The following SV2C variants were observed in gnomAD, a reference collection of about 807,000 sequenced individuals.
SV2C encodes the protein solute carrier family 22 member B3.
Under a neutral mutation model 79.7 loss-of-function variants are expected in SV2C, and 49 were observed. The ratio of observed to expected loss-of-function variants is 0.61; its 90% CI spans 0.49 to 0.78. The LOEUF is 0.78. SV2C is among the 30% of genes least tolerant of loss of function. The probability of loss-of-function intolerance (pLI) is 0.00; values close to 1 mark genes in which losing one functional copy is unlikely to be tolerated. For missense variants in SV2C, 833 were observed against 912.9 expected (o/e 0.91, Z 1.13); for synonymous variants, 334 against 333.2 (o/e 1.00, Z -0.03).
At chr5:75,998,347 T>TA in the SV2C span, among the ~76,000 whole-genome samples, 361 of 151,240 alleles carry the variant, frequency 2.4e-3, no homozygotes, top group African/African-American at 8.2e-3. Flanking sequence ...ATGATAATAA[T>TA]AAAAAAAAAG....
At chr5:76,269,978 A>C (rs978448714) in intron 4 of SV2C, among the ~76,000 whole-genome samples, 2 of 152,192 alleles carry the variant, frequency 1.3e-5, no homozygotes, top group Non-Finnish European at 2.9e-5. Context: ...GCCAAGATGA[A>C]TGACCCAAAT....
chr5:76,107,101 T>C (rs915749181), intron 1 of SV2C, among the ~76,000 whole-genome samples: 96 of 152,328 alleles, frequency 6.3e-4, no homozygotes, highest in Middle Eastern at 3.4e-3. Flanking sequence ...AATTAAAGAC[T>C]GCCAGGAATA....
intron 1 of SV2C, among the ~76,000 whole-genome samples, chr5:76,126,145 C>A (rs767473849): frequency 6.6e-6 from 1 of 152,114 alleles, no homozygotes; most frequent in Non-Finnish European, 1.5e-5. Context: ...ATAGGGAAGG[C>A]CATCACATGT....
intron 8 of SV2C, 23 bp downstream of exon 8, chr5:76,291,879 G>A (rs751110901): frequency 1.3e-6 from 2 of 1,561,512 alleles, no homozygotes; most frequent in African/African-American, 1.4e-5. Flanking sequence ...TAAATTCTTG[G>A]CAAGCAAAAT....
the SV2C span, among the ~76,000 whole-genome samples, chr5:75,919,860 T>C: frequency 6.6e-6 from 1 of 152,236 alleles, no homozygotes; most frequent in East Asian, 1.9e-4. Flanking sequence ...TAATTTACTC[T>C]CTGCCAAATT....
chr5:76,301,894 G>T (rs1748017548), intron 12 of SV2C, among the ~76,000 whole-genome samples: 1 of 118,712 alleles, frequency 8.4e-6, no homozygotes, highest in Admixed American at 1.0e-4. Context: ...GGGCAACAGA[G>T]TGAGACACCA....
At chr5:76,281,412 A>T (rs74377023) in intron 4 of SV2C, 1 of 277,042 alleles carries the variant, frequency 3.6e-6, no homozygotes, top group Non-Finnish European at 6.9e-6. Context: ...AAAAAAAAAA[A>T]GGCAGGGAGC....
intron 4 of SV2C, among the ~76,000 whole-genome samples, chr5:76,233,660 A>G (rs971032549): frequency 6.6e-6 from 1 of 151,320 alleles, no homozygotes; most frequent in Non-Finnish European, 1.5e-5. Flanking sequence ...GGGTTGTTGA[A>G]TTTTGTCAAA....
intron 12 of SV2C, among the ~76,000 whole-genome samples, chr5:76,346,420 G>A (rs934202146): frequency 1.1e-4 from 17 of 152,276 alleles, no homozygotes; most frequent in African/African-American, 4.1e-4. Context: ...GCACTTCAGT[G>A]GATATAGTCC....
the SV2C span, among the ~76,000 whole-genome samples, chr5:76,032,890 A>G: frequency 2.6e-5 from 4 of 152,152 alleles, no homozygotes; most frequent in African/African-American, 9.7e-5. Context: ...CTATTTCTTC[A>G]TATCCTCTCC....
At chr5:76,130,059 C>G (rs1440373047) in intron 1 of SV2C, among the ~76,000 whole-genome samples, 1 of 150,682 alleles carries the variant, frequency 6.6e-6, no homozygotes, top group African/African-American at 2.4e-5. Flanking sequence ...CCTCAGCCTC[C>G]CTTCTCACCA....
chr5:75,911,790 C>A, the SV2C span: 1 of 587,884 alleles, frequency 1.7e-6, no homozygotes, highest in South Asian at 1.4e-5. Context: ...AGCTTTAAGT[C>A]TCCACAGTAC....
the SV2C span, among the ~76,000 whole-genome samples, chr5:75,874,214 G>A: frequency 2.6e-5 from 4 of 152,150 alleles, no homozygotes; most frequent in Non-Finnish European, 4.4e-5. Flanking sequence ...CTATGATCAA[G>A]TAGGCTTCAT....
At chr5:75,866,966 T>C in the SV2C span, among the ~76,000 whole-genome samples, 1 of 152,062 alleles carries the variant, frequency 6.6e-6, no homozygotes, top group East Asian at 1.9e-4. Context: ...GCTGAGAAAA[T>C]GTGTTTTCAT....
chr5:76,298,766 GATATGAATTTTTCTGTGTGTTGGGC>G lies in SV2C; in HGVS notation c.1503-26_1503-2del, dbSNP rs1747866717. 6.2e-7 allele frequency: 1 copy of G among 1,609,688 alleles called. No homozygotes were observed. Among genetic ancestry groups the G allele is most frequent in the African/African-American group, 1.3e-5 (1 of 74,798 alleles). ...ACTTTGATGGACACAGTCATTGATT[GATATGAATTTTTCTGTGTGTTGGGC>G]AGATTCATAGGGGTCAAGTTCAAAT... is the stretch of plus-strand genomic sequence containing the variant. On this transcript the variant is annotated splice_region_variant and splice_polypyrimidine_tract_variant and intron_variant, in intron 9 of 12. Transcript: ENST00000502798.
At chr5:76,273,065 G>A (rs1295358619) in intron 4 of SV2C, among the ~76,000 whole-genome samples, 1 of 150,262 alleles carries the variant, frequency 6.7e-6, no homozygotes. Context: ...TATGATATAA[G>A]CTTCAGTTGC....
At chr5:75,940,803 A>T in the SV2C span, among the ~76,000 whole-genome samples, 1 of 152,198 alleles carries the variant, frequency 6.6e-6, no homozygotes, top group Non-Finnish European at 1.5e-5. Context: ...GAGATTCTTA[A>T]TCTTTGGTTA....
intron 2 of SV2C, among the ~76,000 whole-genome samples, chr5:76,145,525 T>C (rs772442818): frequency 3.0e-4 from 46 of 152,208 alleles, no homozygotes; most frequent in Non-Finnish European, 5.0e-4. Flanking sequence ...TGAGAGGGAT[T>C]TGCTGAACCA....
intron 1 of SV2C, among the ~76,000 whole-genome samples, chr5:76,102,264 C>T (rs1747768362): frequency 6.6e-6 from 1 of 152,180 alleles, no homozygotes; most frequent in Non-Finnish European, 1.5e-5. Flanking sequence ...ATGCTCTCCT[C>T]TGCCTCCTCT....
Sources: gnomAD v4.1 joint callset for allele counts (sites outside exome capture counted in the v4.1 genomes callset) on GRCh38, gnomAD v4.1.1 for gene constraint, MANE v1.5 for transcripts, NCBI Gene and HGNC (gene_info 2026-07-23, HGNC 2026-07-21) for gene names.